BCAS4: variants seen among roughly 807,000 people sequenced by gnomAD.
The protein encoded by BCAS4 is breast carcinoma-amplified sequence 4.
In BCAS4, 9 loss-of-function variants were observed where a neutral mutation model predicts 15.7. The observed-to-expected ratio is 0.57, with a 90% CI of 0.34 to 1.00. BCAS4 has a LOEUF of 1.00. BCAS4 is among the 50% of genes least tolerant of loss of function. BCAS4 has a pLI of 0.02. For missense variants in BCAS4, 225 were observed against 239.1 expected (o/e 0.94, Z 0.39); for synonymous variants, 101 against 99.5 (o/e 1.02, Z -0.09).
intron 4 of BCAS4, among the ~76,000 whole-genome samples, chr20:50,857,121 AT>A: frequency 6.6e-6 from 1 of 152,318 alleles, no homozygotes; most frequent in Non-Finnish European, 1.5e-5. Context: ...GCCTTCACTC[AT>A]TGAGCAGTAT....
At position 50,818,400 on chromosome 20, in the gene BCAS4, G is replaced by A. The variant is rs78981745; in HGVS notation, c.162+118G>A. The A allele has an allele frequency of 4.2e-4, 398 of 958,694 alleles. 7 individuals carry two copies. The East Asian group carries it at 9.9e-3, about 24-fold the overall frequency. 59.4% of individuals were successfully genotyped at this position (958,694 alleles called of 1,614,324 possible). ...TAGCAACCAGGAGGAATGGGGCAGC[G>A]GCCAGCGCTGAGAGGAAAGCCACGT... On this transcript the variant is annotated intron_variant, in intron 2 of 4. Transcript: ENST00000371608.
At chr20:50,877,749 A>C (rs925635661), downstream of BCAS4, 2 of 152,364 alleles carry the variant, frequency 1.3e-5, no homozygotes, top group African/African-American at 4.8e-5. Flanking sequence ...TTTTCAAGGA[A>C]GCCTAAAATA....
intron 1 of BCAS4, among the ~76,000 whole-genome samples, chr20:50,813,358 G>T (rs558629983): frequency 2.0e-5 from 3 of 152,306 alleles, no homozygotes; most frequent in African/African-American, 7.2e-5. Flanking sequence ...GAGAGCTTTT[G>T]TCTTAACAGG....
chr20:50,804,912 C>T (rs1004372597), intron 1 of BCAS4, among the ~76,000 whole-genome samples: 25 of 152,222 alleles, frequency 1.6e-4, no homozygotes, highest in African/African-American at 5.3e-4. Flanking sequence ...TCAAACCTAA[C>T]GCTACTCAGA....
intron 2 of BCAS4, among the ~76,000 whole-genome samples, chr20:50,820,802 T>C (rs923737026): frequency 6.6e-6 from 1 of 152,062 alleles, no homozygotes; most frequent in African/African-American, 2.4e-5. Context: ...TCCTCCTAAC[T>C]CGAAGCCTGG....
intron 1 of BCAS4, among the ~76,000 whole-genome samples, chr20:50,796,116 T>C (rs951737226): frequency 6.6e-6 from 1 of 151,430 alleles, no homozygotes; most frequent in African/African-American, 2.4e-5. Flanking sequence ...GCCTGGTGGC[T>C]CACGCTTGTA....
At chr20:50,863,785 T>C (rs1272627429) in intron 4 of BCAS4, among the ~76,000 whole-genome samples, 2 of 152,186 alleles carry the variant, frequency 1.3e-5, no homozygotes, top group Non-Finnish European at 2.9e-5. Context: ...GCTGCCTCCC[T>C]TGGGGAGGTG....
chr20:50,799,890 T>C (rs543328261), intron 1 of BCAS4, among the ~76,000 whole-genome samples: 47 of 152,204 alleles, frequency 3.1e-4, no homozygotes, highest in African/African-American at 1.1e-3. Context: ...ATCCCGTCTC[T>C]ACAAAAATTA....
chr20:50,818,295 C>T lies in BCAS4; in HGVS notation c.162+13C>T. 1.2e-6 allele frequency: 2 copies of T among 1,611,644 alleles called. No individual in the cohort carries two copies. The highest frequency in any genetic ancestry group is 1.7e-6 in the Non-Finnish European group (2 of 1,179,046). On this transcript the variant is annotated intron_variant, in intron 2 of 4. Coordinates refer to ENST00000371608, the MANE Select transcript of BCAS4 (RefSeq NM_198799.4). ...CCTGGCTGACCTGGTGAGTGGCTGC[C>T]TGGAAGGCGTGGGTTTAGGCCCAGG... is the stretch of plus-strand genomic sequence containing the variant.
intron 2 of BCAS4, among the ~76,000 whole-genome samples, chr20:50,826,828 C>T (rs1221078653): frequency 1.3e-5 from 2 of 152,052 alleles, no homozygotes; most frequent in African/African-American, 4.8e-5. Context: ...ATTAGCTGGG[C>T]ATGGTGGTGG....
At chr20:50,844,104 G>A (rs922058602) in intron 4 of BCAS4, among the ~76,000 whole-genome samples, 9 of 151,522 alleles carry the variant, frequency 5.9e-5, no homozygotes, top group East Asian at 2.0e-4. Flanking sequence ...AGCCGAGATC[G>A]CATGACTGCA....
chr20:50,795,181 A>G lies in BCAS4; in HGVS notation c.90+8A>G, dbSNP rs1172327042. 4 of 1,382,884 alleles carry G rather than the reference A, an allele frequency of 2.9e-6. No individual in the cohort carries two copies. Among genetic ancestry groups the G allele is most frequent in the Admixed American group, 2.4e-5 (1 of 42,508 alleles). The allele number at this position is 1,382,884 out of a possible 1,614,324, so 85.7% of individuals were successfully genotyped here. ...CCCGAGCCTGGGGCCGAGGTAGGGG[A>G]CGGGGCTGTGGAGTTGGAGGAGAGG... is the stretch of plus-strand genomic sequence containing the variant. On this transcript the variant is annotated splice_region_variant and intron_variant, in intron 1 of 4. Transcript: ENST00000371608.
chr20:50,847,539 C>T (rs1233204774), intron 4 of BCAS4, among the ~76,000 whole-genome samples: 2 of 152,178 alleles, frequency 1.3e-5, no homozygotes, highest in Admixed American at 6.5e-5. Context: ...TAACATCCCA[C>T]AAGGGAGGTG....
intron 4 of BCAS4, among the ~76,000 whole-genome samples, chr20:50,854,516 C>T (rs114177693): frequency 0.012 from 1,785 of 152,214 alleles, 40 homozygotes; most frequent in African/African-American, 0.039. Context: ...TCATTGGCCC[C>T]ATTTTATAAA....
chr20:50,873,846 C>T (rs1258516318), intron 4 of BCAS4, among the ~76,000 whole-genome samples: 1 of 152,314 alleles, frequency 6.6e-6, no homozygotes, highest in Admixed American at 6.5e-5. Context: ...TGAGGTTCAC[C>T]CTTGGCCAGG....
chr20:50,875,877 C>T (rs1979908946), intron 4 of BCAS4: 1 of 450,624 alleles, frequency 2.2e-6, no homozygotes, highest in Non-Finnish European at 4.4e-6. Context: ...GGTATAGGTC[C>T]CTTTGTCACA....
At chr20:50,802,354 G>A (rs1302501805) in intron 1 of BCAS4, among the ~76,000 whole-genome samples, 1 of 152,188 alleles carries the variant, frequency 6.6e-6, no homozygotes, top group East Asian at 1.9e-4. Flanking sequence ...ACCTTCCGGG[G>A]CATGAGGAGC....
intron 1 of BCAS4, among the ~76,000 whole-genome samples, chr20:50,801,081 G>A (rs1569015260): frequency 6.6e-6 from 1 of 152,100 alleles, no homozygotes; most frequent in Non-Finnish European, 1.5e-5. Context: ...GCATCCTTTT[G>A]TGACCTGCTG....
At chr20:50,862,731 G>A (rs1026427056) in intron 4 of BCAS4, among the ~76,000 whole-genome samples, 3 of 151,920 alleles carry the variant, frequency 2.0e-5, no homozygotes, top group African/African-American at 4.8e-5. Context: ...TAGGGAGGGG[G>A]CATAGCTCTA....
Sources: gnomAD v4.1 joint callset for allele counts (sites outside exome capture counted in the v4.1 genomes callset) on GRCh38, gnomAD v4.1.1 for gene constraint, MANE v1.5 for transcripts, NCBI Gene and HGNC (gene_info 2026-07-23, HGNC 2026-07-21) for gene names.